Variants in SEMA3A observed in about 807,000 individuals in gnomAD.
SEMA3A encodes the protein semaphorin-3A.
A neutral mutation model predicts 97.9 loss-of-function variants in SEMA3A; 29 were observed. The observed-to-expected ratio is 0.30, with a 90% CI of 0.22 to 0.40. SEMA3A has a LOEUF of 0.40. SEMA3A is among the 10% of genes least tolerant of loss of function. The pLI, the probability that SEMA3A is intolerant of heterozygous loss-of-function variation, is 1.00. For synonymous variants in SEMA3A, 321 were observed against 323.7 expected (o/e 0.99, Z 0.09); for missense variants, 763 against 951.3 (o/e 0.80, Z 2.60).
chr7:84,046,848 G>A lies in SEMA3A; in HGVS notation c.548-405C>T, dbSNP rs191218482. Among the ~76,000 whole-genome samples, 167 of 152,046 alleles carry A rather than the reference G, an allele frequency of 1.1e-3. 2 individuals carry two copies. The highest frequency in any genetic ancestry group is 3.9e-3 in the African/African-American group (160 of 41,498). ...ACTATGGTTCTAATATCCTTATAACGTAGGGTAAGGTATCATTATAAAATC... is the reference window on the plus strand; with the variant it reads ...ACTATGGTTCTAATATCCTTATAACATAGGGTAAGGTATCATTATAAAATC... On this transcript the variant is annotated intron_variant, in intron 5 of 16. Transcript: ENST00000265362.
chr7:84,055,426 G>T (rs978777272), intron 5 of SEMA3A, among the ~76,000 whole-genome samples: 2 of 152,154 alleles, frequency 1.3e-5, no homozygotes, highest in Non-Finnish European at 2.9e-5. Context: ...TTTTAAGCCC[G>T]TCGGAAAAGG....
intron 3 of SEMA3A, among the ~76,000 whole-genome samples, chr7:84,246,264 T>A (rs1799474809): frequency 6.6e-6 from 1 of 152,234 alleles, no homozygotes; most frequent in Non-Finnish European, 1.5e-5. Context: ...TTCGTTGTTT[T>A]AAGTCATTAA....
chr7:84,166,175 T>C (rs1301772706), intron 1 of SEMA3A, among the ~76,000 whole-genome samples: 2 of 150,480 alleles, frequency 1.3e-5, no homozygotes, highest in African/African-American at 4.9e-5. Flanking sequence ...TCTGGGGAGG[T>C]TGAGGTAGGA....
chr7:84,338,896 T>C (rs1043032405), intron 2 of SEMA3A, among the ~76,000 whole-genome samples: 4 of 152,202 alleles, frequency 2.6e-5, no homozygotes, highest in African/African-American at 9.6e-5. Context: ...GAGAACTGCA[T>C]GGCCAAATCT....
At chr7:84,197,775 C>T (rs988503361), upstream of SEMA3A, among the ~76,000 whole-genome samples, 1 of 137,088 alleles carries the variant, frequency 7.3e-6, no homozygotes, top group Non-Finnish European at 1.5e-5. Flanking sequence ...AGTCTCGCTC[C>T]GTCCCCCAGG....
chr7:84,266,893 T>C (rs1303474733), intron 3 of SEMA3A, among the ~76,000 whole-genome samples: 2 of 152,188 alleles, frequency 1.3e-5, no homozygotes, highest in African/African-American at 4.8e-5. Flanking sequence ...ATAGACACAA[T>C]AGAGATTATA....
intron 1 of SEMA3A, among the ~76,000 whole-genome samples, chr7:84,154,845 A>C (rs1796792360): frequency 6.6e-6 from 1 of 152,062 alleles, no homozygotes. Context: ...GAAAAAAAAT[A>C]GAACATGTCA....
At chr7:84,311,558 GAATGGTAA>G (rs1801319816) in intron 2 of SEMA3A, among the ~76,000 whole-genome samples, 1 of 151,900 alleles carries the variant, frequency 6.6e-6, no homozygotes, top group African/African-American at 2.4e-5. Flanking sequence ...GACTAAAGAT[GAATGGTAA>G]AGATTTATAG....
chr7:84,279,380 A>G (rs1238749148), intron 3 of SEMA3A, among the ~76,000 whole-genome samples: 2 of 152,310 alleles, frequency 1.3e-5, no homozygotes, highest in African/African-American at 4.8e-5. Context: ...TGCATAAAGT[A>G]GATACAACCT....
At chr7:84,358,274 A>C (rs1252967858) in intron 2 of SEMA3A, among the ~76,000 whole-genome samples, 1 of 152,114 alleles carries the variant, frequency 6.6e-6, no homozygotes, top group East Asian at 1.9e-4. Flanking sequence ...TTTCAGGTCT[A>C]ACATTTAAGT....
chr7:84,241,219 C>T (rs1176503492), intron 3 of SEMA3A, among the ~76,000 whole-genome samples: 1 of 152,220 alleles, frequency 6.6e-6, no homozygotes, highest in African/African-American at 2.4e-5. Flanking sequence ...TACACTCCCA[C>T]CAACAGTGTA....
chr7:84,294,512 T>C (rs910579355), intron 3 of SEMA3A, among the ~76,000 whole-genome samples: 3 of 152,076 alleles, frequency 2.0e-5, no homozygotes, highest in Non-Finnish European at 4.4e-5. Context: ...CCTATATTCT[T>C]CTCATGGGAG....
intron 5 of SEMA3A, among the ~76,000 whole-genome samples, chr7:84,052,195 G>A (rs1256323343): frequency 1.3e-5 from 2 of 151,876 alleles, no homozygotes; most frequent in Admixed American, 1.3e-4. Context: ...GTCTCTGCCT[G>A]GCTTTGGTAT....
chr7:83,990,313 T>A (rs1789847705), intron 12 of SEMA3A, among the ~76,000 whole-genome samples: 1 of 152,186 alleles, frequency 6.6e-6, no homozygotes, highest in Admixed American at 6.5e-5. Context: ...GCAGAAGCTC[T>A]TTAGTTTAAT....
intron 1 of SEMA3A, among the ~76,000 whole-genome samples, chr7:84,410,747 A>G (rs1157517450): frequency 1.3e-5 from 2 of 152,150 alleles, no homozygotes; most frequent in African/African-American, 4.8e-5. Context: ...TACAAGCTGA[A>G]TTAACACGGA....
intron 3 of SEMA3A, among the ~76,000 whole-genome samples, chr7:84,114,771 C>CT (rs201287480): frequency 3.3e-5 from 5 of 151,308 alleles, no homozygotes; most frequent in South Asian, 2.1e-4. Context: ...AATGTTTAGT[C>CT]TTTTTTTTTC....
intron 12 of SEMA3A, among the ~76,000 whole-genome samples, chr7:83,988,054 C>A (rs1013380744): frequency 5.3e-5 from 8 of 152,140 alleles, no homozygotes; most frequent in African/African-American, 1.9e-4. Flanking sequence ...CTCTAATAAA[C>A]CCCATTATGC....
intron 6 of SEMA3A, among the ~76,000 whole-genome samples, chr7:84,020,035 C>CTTTTT (rs781108685): frequency 0.025 from 1,488 of 58,392 alleles, 221 homozygotes; most frequent in Non-Finnish European, 0.035. Flanking sequence ...TTTTTTCTTT[C>CTTTTT]TTTTTTTTTT....
chr7:84,045,702 T>C (rs1043133125), intron 6 of SEMA3A, among the ~76,000 whole-genome samples: 1 of 151,878 alleles, frequency 6.6e-6, no homozygotes, highest in Admixed American at 6.6e-5. Flanking sequence ...CTTGATCAAG[T>C]AGTTAAGCCA....
Sources: gnomAD v4.1 joint callset for allele counts (sites outside exome capture counted in the v4.1 genomes callset) on GRCh38, gnomAD v4.1.1 for gene constraint, MANE v1.5 for transcripts, NCBI Gene and HGNC (gene_info 2026-07-23, HGNC 2026-07-21) for gene names.